RAPGEF5: variants seen among roughly 807,000 people sequenced by gnomAD.
The protein encoded by RAPGEF5 is Rap guanine nucleotide exchange factor 5, also known as M-Ras-regulated GEF.
RAPGEF5 carries 65 observed loss-of-function variants against 125.2 expected under a neutral mutation model. That is an observed-to-expected ratio of 0.52 (90% CI 0.43 to 0.64). RAPGEF5 has a LOEUF of 0.64. Ranked by LOEUF, RAPGEF5 falls within the 30% of genes least tolerant of loss-of-function variation. RAPGEF5 has a pLI of 0.00. For synonymous variants in RAPGEF5, 391 were observed against 385.9 expected, an observed-to-expected ratio of 1.01 and a Z score of -0.16; for missense variants, 958 against 1,048.1, an observed-to-expected ratio of 0.91 and a Z score of 1.19.
chr7:22,202,790 C>G (rs756614316), intron 9 of RAPGEF5: 3 of 180,012 alleles, frequency 1.7e-5, no homozygotes, highest in Middle Eastern at 4.9e-4. Flanking sequence ...GGTTCAAATC[C>G]TAGAGTTGCC....
At chr7:22,286,735 T>G (rs538521713) in intron 6 of RAPGEF5, among the ~76,000 whole-genome samples, 24 of 152,312 alleles carry the variant, frequency 1.6e-4, no homozygotes, top group African/African-American at 5.1e-4. Context: ...CACTTCCCCG[T>G]ATTTACTTTA....
chr7:22,194,518 T>C (rs1369029805), intron 9 of RAPGEF5: 2 of 890,722 alleles, frequency 2.2e-6, no homozygotes, highest in East Asian at 1.2e-4. Flanking sequence ...CATATATTCA[T>C]TTACTTTACA....
intron 18 of RAPGEF5, among the ~76,000 whole-genome samples, chr7:22,149,355 A>G (rs1427858295): frequency 2.0e-5 from 3 of 152,254 alleles, no homozygotes; most frequent in African/African-American, 4.8e-5. Context: ...TATACATACA[A>G]CAGGAGCCAG....
At chr7:22,322,079 CT>C (rs1453424680) in intron 1 of RAPGEF5, among the ~76,000 whole-genome samples, 1 of 150,446 alleles carries the variant, frequency 6.6e-6, no homozygotes, top group Admixed American at 6.6e-5. Context: ...GTAATAGTAA[CT>C]GAGTTTCTGC....
intron 7 of RAPGEF5, among the ~76,000 whole-genome samples, chr7:22,240,628 C>T (rs1045824866): frequency 3.3e-5 from 5 of 152,144 alleles, no homozygotes; most frequent in Non-Finnish European, 7.3e-5. Context: ...CTGCCTCAGC[C>T]TCTCAAAGTG....
chr7:22,206,529 T>C (rs1323192782), intron 9 of RAPGEF5, among the ~76,000 whole-genome samples: 1 of 151,602 alleles, frequency 6.6e-6, no homozygotes, highest in Admixed American at 6.6e-5. Flanking sequence ...TAGTGAGGCC[T>C]TGTCTCTACA....
intron 5 of RAPGEF5, among the ~76,000 whole-genome samples, chr7:22,294,481 A>G (rs2128148475): frequency 6.6e-6 from 1 of 152,312 alleles, no homozygotes; most frequent in East Asian, 1.9e-4. Context: ...GGATGCAGAG[A>G]TGACAAAAAC....
intron 11 of RAPGEF5, among the ~76,000 whole-genome samples, chr7:22,171,211 G>A (rs1583443196): frequency 6.6e-6 from 1 of 152,070 alleles, no homozygotes; most frequent in South Asian, 2.1e-4. Flanking sequence ...ATGATCCCCT[G>A]AAGACTATTA....
At chr7:22,314,514 T>C (rs1783547164) in intron 3 of RAPGEF5, 4 of 682,354 alleles carry the variant, frequency 5.9e-6, no homozygotes, top group African/African-American at 2.0e-5. Context: ...ATAATGAGTT[T>C]ATCATAAAGC....
At chr7:22,182,437 A>G (rs543935149) in intron 11 of RAPGEF5, among the ~76,000 whole-genome samples, 1 of 152,332 alleles carries the variant, frequency 6.6e-6, no homozygotes, top group Admixed American at 6.5e-5. Flanking sequence ...CATGAATTTC[A>G]GTATCTCTTG....
chr7:22,338,791 T>C (rs1784071913), intron 1 of RAPGEF5, among the ~76,000 whole-genome samples: 1 of 152,206 alleles, frequency 6.6e-6, no homozygotes, highest in Non-Finnish European at 1.5e-5. Flanking sequence ...CAGGGAAACA[T>C]ACACACAGAG....
intron 6 of RAPGEF5, among the ~76,000 whole-genome samples, chr7:22,275,491 G>T (rs1349827640): frequency 1.3e-5 from 2 of 152,178 alleles, no homozygotes; most frequent in Non-Finnish European, 2.9e-5. Context: ...GAGAGAAGTT[G>T]CAAAAGGACA....
At chr7:22,228,961 T>C (rs1256446643) in intron 8 of RAPGEF5, among the ~76,000 whole-genome samples, 1 of 152,140 alleles carries the variant, frequency 6.6e-6, no homozygotes, top group African/African-American at 2.4e-5. Flanking sequence ...TGTTGCTTCA[T>C]TTCAACCTCA....
Position 22,127,034 on chromosome 7 carries a change from A to G in RAPGEF5, c.2482-1376T>C, listed in dbSNP as rs950848252. Among the ~76,000 whole-genome samples the G allele has an allele frequency of 5.5e-5, 7 of 126,852 alleles. No homozygotes were observed. In the Admixed American group the frequency reaches 5.9e-4, roughly 11 times the overall value. The allele number at this position is 126,852 out of a possible 152,430, so 83.2% of individuals were successfully genotyped here. A position where few individuals can be genotyped will look rare whatever the true frequency, so the allele number is the denominator to read the frequency against. ...AAGTCCTCACTGATTCCCAGGCAAAAGTCTTCTTTTTTTTTTTTTTTTGAG... is the reference window on the plus strand; with the variant it reads ...AAGTCCTCACTGATTCCCAGGCAAAGGTCTTCTTTTTTTTTTTTTTTTGAG... On this transcript the variant is annotated intron_variant, in intron 24 of 25. Transcript: ENST00000665637.
chr7:22,347,596 A>C (rs1784247208), intron 1 of RAPGEF5, among the ~76,000 whole-genome samples: 1 of 152,200 alleles, frequency 6.6e-6, no homozygotes, highest in Non-Finnish European at 1.5e-5. Flanking sequence ...GACATACATT[A>C]ATTATCTTAT....
intron 5 of RAPGEF5, among the ~76,000 whole-genome samples, chr7:22,293,675 C>T (rs1159096079): frequency 6.6e-6 from 1 of 152,146 alleles, no homozygotes. Flanking sequence ...GCTCTTCCTT[C>T]CCTGCTAACA....
chr7:22,177,156 A>G (rs1784534452), intron 11 of RAPGEF5, among the ~76,000 whole-genome samples: 1 of 152,176 alleles, frequency 6.6e-6, no homozygotes, highest in African/African-American at 2.4e-5. Context: ...TGCCATGGAG[A>G]ATGGAAAGTT....
intron 6 of RAPGEF5, among the ~76,000 whole-genome samples, chr7:22,290,665 A>C (rs891020080): frequency 6.6e-6 from 1 of 150,522 alleles, no homozygotes; most frequent in Non-Finnish European, 1.5e-5. Flanking sequence ...GAATGGCGTG[A>C]ACCCGGGAGG....
intron 25 of RAPGEF5, among the ~76,000 whole-genome samples, chr7:22,124,972 G>C (rs944381523): frequency 6.6e-6 from 1 of 152,168 alleles, no homozygotes; most frequent in African/African-American, 2.4e-5. Flanking sequence ...ACTCAATGAA[G>C]TTGATTTCCT....
Sources: allele counts gnomAD v4.1 joint callset (sites outside exome capture counted in the v4.1 genomes callset), GRCh38; gene constraint gnomAD v4.1.1; transcripts MANE v1.5; gene names NCBI Gene and HGNC (gene_info 2026-07-23, HGNC 2026-07-21).